Variants in MAN2C1 observed in about 807,000 individuals in gnomAD.
The protein encoded by MAN2C1 is mannosidase alpha class 2C member 1.
In MAN2C1, 111 loss-of-function variants were observed where a neutral mutation model predicts 126.9. The ratio of observed to expected loss-of-function variants is 0.87; its 90% CI spans 0.75 to 1.02. MAN2C1 has a LOEUF of 1.02. Ranked by LOEUF, MAN2C1 falls within the 50% of genes least tolerant of loss-of-function variation. MAN2C1 has a pLI of 0.00. For synonymous variants in MAN2C1, 567 were observed against 561.5 expected (o/e 1.01, Z -0.14); for missense variants, 1,363 against 1,364.4 (o/e 1.00, Z 0.02).
chr15:75,357,055 ACCTG>A (rs2072337162), intron 21 of MAN2C1, 153 bp from the exon 22 acceptor site: 1 of 620,096 alleles, frequency 1.6e-6, no homozygotes, highest in Admixed American at 2.8e-5. Flanking sequence ...ATGCCACCCA[ACCTG>A]CCTAAGCCTC....
chr15:75,366,384 A>G lies in MAN2C1; in HGVS notation c.422+138T>C, dbSNP rs2072575321. The G allele has an allele frequency of 5.6e-6, 4 of 718,520 alleles. No individual in the cohort carries two copies. In the Admixed American group the frequency reaches 1.1e-4, roughly 20 times the overall value. 44.5% of individuals were successfully genotyped at this position (718,520 alleles called of 1,614,324 possible). ...ATGGTTAGGAAAAAATCATGCTTTT[A>G]AAAGCAAACAATGAGATGTGAGGAT... is the stretch of plus-strand genomic sequence containing the variant. On this transcript the variant is annotated intron_variant, in intron 4 of 25. Coordinates refer to ENST00000267978, the MANE Select transcript of MAN2C1 (RefSeq NM_006715.4).
In MAN2C1 at chr15:75,368,095, C is replaced by T. The variant is rs1305790438; in HGVS notation, c.205G>A (p.Val69Ile). 3 of 1,607,840 alleles carry T rather than the reference C, an allele frequency of 1.9e-6. No homozygotes were observed. Among genetic ancestry groups the T allele is most frequent in the Non-Finnish European group, 1.7e-6 (2 of 1,178,038 alleles). The change falls in exon 2 of 26, where the codon GTC (valine) becomes ATC (isoleucine). Residue 69 changes from valine to isoleucine, a missense_variant. Physicochemically the swap from Val to Ile is conservative, Grantham distance 29. Coordinates refer to ENST00000267978, the MANE Select transcript of MAN2C1 (RefSeq NM_006715.4). ...AVQRDFRPAQ[V>I]GDSFGPTWWT... The stretch of plus-strand genomic sequence containing the variant: ...TACGTGGGTCCGAAGCTGTCGCCGA[C>T]CTGCGCGGGGCGGAAGTCCCGCTGG...
intron 14 of MAN2C1, 43 bp downstream of exon 14, chr15:75,360,047 C>T (rs1382245232): frequency 1.2e-6 from 2 of 1,613,928 alleles, no homozygotes; most frequent in African/African-American, 2.7e-5. Context: ...GAGGTAACTG[C>T]AGTGAGCAGT....
Position 75,361,641 on chromosome 15 carries a change from G to A in MAN2C1, c.1181C>T (p.Thr394Ile). Reference protein sequence around the residue: ...MHGCGIRRFLTQKLSWNLVNS... With the variant: ...MHGCGIRRFLIQKLSWNLVNS... ...CACCAAATTCCAGCTCAATTTCTGG[G>A]TGAGAAAGCGCCTGATGCCACAGCC... Residue 394 changes from threonine to isoleucine, a missense_variant, in exon 10 of 26, where the codon ACC becomes ATC. Coordinates refer to ENST00000267978, the MANE Select transcript of MAN2C1 (RefSeq NM_006715.4). This position sits in a 1 kb window ranked among gnomAD's most constrained non-coding sequence, Gnocchi z 5.0. 2 of 1,614,030 alleles carry A rather than the reference G, an allele frequency of 1.2e-6. No individual in the cohort carries two copies. Among genetic ancestry groups the A allele is most frequent in the Non-Finnish European group, 1.7e-6 (2 of 1,180,022 alleles).
At position 75,358,257 on chromosome 15, in the gene MAN2C1, C is replaced by T; in HGVS notation, c.2491G>A (p.Gly831Arg). 1 of 1,614,178 alleles carries T rather than the reference C, an allele frequency of 6.2e-7. No homozygotes were observed. The highest frequency in any genetic ancestry group is 8.5e-7 in the Non-Finnish European group (1 of 1,180,030). The change falls in exon 21 of 26, where the codon GGG becomes AGG. Residue 831 changes from glycine to arginine, a missense_variant. Physicochemically the swap from Gly to Arg is moderately radical, Grantham distance 125. Around this residue, in one of 3 missense-constraint regions of MAN2C1, gnomAD observed 668 missense variants for 650.1 expected, o/e 1.03. Coordinates refer to ENST00000267978, the MANE Select transcript of MAN2C1 (RefSeq NM_006715.4). ...SSQATYEIQF[G>R]HLQRPTHYNT... ...TAGTGGGTAGGTCGCTGCAGGTGCC[C>T]AAACTGGATCTCATAGGTGGCCTGG...
chr15:75,368,400 G>T, intron 1 of MAN2C1, 83 bp downstream of exon 1: 6 of 1,456,966 alleles, frequency 4.1e-6, no homozygotes, highest in Non-Finnish European at 5.6e-6. Context: ...GGCCCGGGTG[G>T]CTGCAGCTTA....
At position 75,362,013 on chromosome 15, in the gene MAN2C1, G is replaced by A. The variant is rs768514872; in HGVS notation, c.1009-66C>T. 3 of 1,233,062 alleles carry A rather than the reference G, an allele frequency of 2.4e-6. No individual in the cohort carries two copies. The highest frequency in any genetic ancestry group is 3.6e-6 in the Non-Finnish European group (3 of 837,118). The allele number at this position is 1,233,062 out of a possible 1,614,324, so 76.4% of individuals were successfully genotyped here. On this transcript the variant is annotated intron_variant, in intron 8 of 25. Coordinates refer to ENST00000267978, the MANE Select transcript of MAN2C1 (RefSeq NM_006715.4). The surrounding 1 kb of genome is among the most constrained non-coding windows in gnomAD (Gnocchi z 4.5). ...GGACGGGGAGCAGGCAGGCGCTCAG[G>A]CCAACCCAATCCCTGCAGGAGAAGC...
chr15:75,356,715 G>T lies in MAN2C1; in HGVS notation c.2658-30C>A. The T allele has an allele frequency of 6.2e-7, 1 of 1,611,186 alleles. No individual in the cohort carries two copies. The highest frequency in any genetic ancestry group is 8.5e-7 in the Non-Finnish European group (1 of 1,178,570). Reference sequence around the variant, plus strand: ...GGTGAGGAGGGCGCGTAGGGGCCACGCTGAAGCTGTTGGAGTTGTGGTCGG... The same window carrying T: ...GGTGAGGAGGGCGCGTAGGGGCCACTCTGAAGCTGTTGGAGTTGTGGTCGG... On this transcript the variant is annotated intron_variant, in intron 22 of 25. Transcript: ENST00000267978. This position sits in a 1 kb window ranked among gnomAD's most constrained non-coding sequence, Gnocchi z 5.8.
chr15:75,362,005 G>A lies in MAN2C1; in HGVS notation c.1009-58C>T. The A allele has an allele frequency of 3.0e-6, 4 of 1,330,638 alleles. No homozygotes were observed. In the East Asian group the frequency reaches 6.9e-5, roughly 23 times the overall value. 82.4% of individuals were successfully genotyped at this position (1,330,638 alleles called of 1,614,324 possible). A position where few individuals can be genotyped will look rare whatever the true frequency, so the allele number is the denominator to read the frequency against. ...TCAGCGCTGGACGGGGAGCAGGCAG[G>A]CGCTCAGGCCAACCCAATCCCTGCA... On this transcript the variant is annotated intron_variant, in intron 8 of 25. Transcript: ENST00000267978. This position sits in a 1 kb window ranked among gnomAD's most constrained non-coding sequence, Gnocchi z 4.5.
rs1165843447 is a variant in MAN2C1, at chr15:75,358,193, T to C, written c.2547+8A>G. On this transcript the variant is annotated splice_region_variant and intron_variant, in intron 21 of 25. Coordinates refer to ENST00000267978, the MANE Select transcript of MAN2C1 (RefSeq NM_006715.4). ...GTCCAAGGCCACTCCCACCCTGCCA[T>C]GTCAGACCTCAAATCGAGCCCAGTC... 1 of 1,613,904 alleles carries C rather than the reference T, an allele frequency of 6.2e-7. No individual in the cohort carries two copies. Among genetic ancestry groups the C allele is most frequent in the African/African-American group, 1.3e-5 (1 of 74,934 alleles).
rs376268735 is a variant in MAN2C1, at chr15:75,361,821, C to A, written c.1101+34G>T. The A allele has an allele frequency of 4.4e-6, 7 of 1,607,604 alleles. No individual in the cohort carries two copies. The highest frequency in any genetic ancestry group is 6.0e-6 in the Non-Finnish European group (7 of 1,174,210). ...CTCCAAGTCGAGCGCCAGCCCCACT[C>A]GCCCACAGCCTGGTGTAGCAGCTCT... On this transcript the variant is annotated intron_variant, in intron 9 of 25. Transcript: ENST00000267978. The surrounding 1 kb of genome is among the most constrained non-coding windows in gnomAD (Gnocchi z 5.0).
At chr15:75,363,288 G>C (rs530198779) in intron 6 of MAN2C1, 18 of 456,016 alleles carry the variant, frequency 3.9e-5, no homozygotes, top group African/African-American at 3.4e-4. Context: ...ATACCTTCAG[G>C]AGCTTGTTAA....
rs371876324 is a variant in MAN2C1, at chr15:75,356,127, C to T, written c.2979G>A (p.Pro993=). Reference sequence around the variant, plus strand: ...CCACTCACAGGATGGCCTCCTGAACCGGCAGCGACAAGTGCAGCCAGCAGT... The same window carrying T: ...CCACTCACAGGATGGCCTCCTGAACTGGCAGCGACAAGTGCAGCCAGCAGT... ...HVDCWLHLSL[P]VQEAILCDLL... Residue 993 remains proline (P), a synonymous_variant, in exon 25 of 26, where the codon CCG becomes CCA. Transcript: ENST00000267978. This position sits in a 1 kb window ranked among gnomAD's most constrained non-coding sequence, Gnocchi z 5.8. The T allele has an allele frequency of 1.4e-5, 23 of 1,613,662 alleles. No individual in the cohort carries two copies. The highest frequency in any genetic ancestry group is 6.7e-5 in the African/African-American group (5 of 74,928).
chr15:75,363,435 T>G (rs781112912), intron 6 of MAN2C1: 44 of 409,200 alleles, frequency 1.1e-4, no homozygotes, highest in Non-Finnish European at 2.1e-4. Flanking sequence ...TGACACCAAC[T>G]CTGCCTGCTG....
chr15:75,358,130 G>A, intron 21 of MAN2C1, 71 bp downstream of exon 21: 1 of 1,567,022 alleles, frequency 6.4e-7, no homozygotes, highest in South Asian at 1.1e-5. Flanking sequence ...TTCCTCCCCA[G>A]CCTGTTCCAC....
rs767399454 is a variant in MAN2C1 at position 75,362,481 on chromosome 15, C to T, written c.898-28G>A. On this transcript the variant is annotated intron_variant, in intron 7 of 25. Coordinates refer to ENST00000267978, the MANE Select transcript of MAN2C1 (RefSeq NM_006715.4). This position sits in a 1 kb window ranked among gnomAD's most constrained non-coding sequence, Gnocchi z 4.5. ...GTGGGCAGGTTGAAGGGAGCTGGGA[C>T]CAGAGTGACAAGGGCCCCACCCAGG... is the stretch of plus-strand genomic sequence containing the variant. 2.5e-6 allele frequency: 4 copies of T among 1,580,036 alleles called. No individual in the cohort carries two copies. In the South Asian group the frequency reaches 4.6e-5, roughly 18 times the overall value.
At chr15:75,359,252 C>A (rs1239382879) in intron 17 of MAN2C1, 76 bp downstream of exon 17, 2 of 1,583,914 alleles carry the variant, frequency 1.3e-6, no homozygotes, top group Non-Finnish European at 1.7e-6. Context: ...TTGCTCCAGA[C>A]AGGGGAGCTC....
rs140841978 is a variant in MAN2C1 at position 75,356,817 on chromosome 15, C to T, written c.2633G>A (p.Arg878Gln). ...LNDCKYGASV[R>Q]GSILSLSLLR... is the part of the protein sequence containing the mutation. Reference sequence around the variant, plus strand: ...CAGCGAGAGGCTGAGGATGCTGCCTCGCACTGACGCGCCATACTTGCAGTC... The same window carrying T: ...CAGCGAGAGGCTGAGGATGCTGCCTTGCACTGACGCGCCATACTTGCAGTC... The change falls in exon 22 of 26, where the codon CGA becomes CAA. Residue 878 changes from arginine to glutamine, a missense_variant. By Grantham distance (43) the Arg-to-Gln change is conservative. Coordinates refer to ENST00000267978, the MANE Select transcript of MAN2C1 (RefSeq NM_006715.4). This position sits in a 1 kb window ranked among gnomAD's most constrained non-coding sequence, Gnocchi z 5.8. The T allele has an allele frequency of 1.4e-5, 22 of 1,613,948 alleles. No homozygotes were observed. Among genetic ancestry groups the T allele is most frequent in the Admixed American group, 1.3e-4 (8 of 60,006 alleles).
intron 12 of MAN2C1, 138 bp downstream of exon 12, chr15:75,360,907 GA>G: frequency 1.6e-6 from 2 of 1,272,220 alleles, no homozygotes; most frequent in South Asian, 1.5e-5. Context: ...CCCCAGGGTG[GA>G]AGTTTGGAGG....
Sources: gnomAD v4.1 joint callset for allele counts on GRCh38, gnomAD v4.1.1 for gene constraint, gnomAD v4.1.1 regional missense constraint, Gnocchi (gnomAD v3.1) non-coding constraint, MANE v1.5 for transcripts, NCBI Gene and HGNC (gene_info 2026-07-23, HGNC 2026-07-21) for gene names.